Variants in ATP9B observed in about 807,000 individuals in gnomAD.
ATP9B encodes the protein probable phospholipid-transporting ATPase IIB.
A neutral mutation model predicts 146.1 loss-of-function variants in ATP9B; 110 were observed. That is an observed-to-expected ratio of 0.75 (90% CI 0.65 to 0.88). ATP9B has a LOEUF of 0.88. ATP9B is among the 40% of genes least tolerant of loss of function. ATP9B has a pLI of 0.00. For synonymous variants in ATP9B, 604 were observed against 569.7 expected (o/e 1.06, Z -0.86); for missense variants, 1,499 against 1,496.4 (o/e 1.00, Z -0.03).
Position 79,372,829 on chromosome 18 carries a change from G to A in ATP9B, c.3017G>A (p.Arg1006Lys). ...PELYKDLTKG[R>K]SLSFKTFLIW... ...GCTCTTCCACTGTTTCCCTAGGGAAGATCCTTGTCCTTCAAAACCTTCCTC... is the reference window on the plus strand; with the variant it reads ...GCTCTTCCACTGTTTCCCTAGGGAAAATCCTTGTCCTTCAAAACCTTCCTC... Residue 1006 changes from arginine (R) to lysine (K), a missense_variant, in exon 27 of 30, where the codon AGA becomes AAA. By Grantham distance (26) the Arg-to-Lys change is conservative. Coordinates refer to ENST00000426216, the MANE Select transcript of ATP9B (RefSeq NM_198531.5). The A allele has an allele frequency of 1.9e-6, 3 of 1,609,262 alleles. No homozygotes were observed. The highest frequency in any genetic ancestry group is 2.6e-6 in the Non-Finnish European group (3 of 1,175,606).
At chr18:79,217,480 C>T (rs940354257) in intron 11 of ATP9B, among the ~76,000 whole-genome samples, 4 of 152,172 alleles carry the variant, frequency 2.6e-5, no homozygotes, top group Admixed American at 6.5e-5. Context: ...CACTGCGCCC[C>T]GCCAGATTTG....
intron 11 of ATP9B, among the ~76,000 whole-genome samples, chr18:79,246,576 C>A (rs998969096): frequency 2.0e-5 from 3 of 152,216 alleles, no homozygotes; most frequent in Non-Finnish European, 4.4e-5. Flanking sequence ...TAGGGTAACG[C>A]TTTTTGTCAG....
intron 15 of ATP9B, among the ~76,000 whole-genome samples, chr18:79,328,122 C>G (rs2096770602): frequency 6.6e-6 from 1 of 150,542 alleles, no homozygotes; most frequent in South Asian, 2.1e-4. Flanking sequence ...TTAGCGTGCT[C>G]TCCGTGGATA....
chr18:79,322,849 G>A (rs552485308), intron 15 of ATP9B, among the ~76,000 whole-genome samples: 16 of 152,344 alleles, frequency 1.1e-4, no homozygotes, highest in Admixed American at 7.8e-4. Context: ...TCAACATGCA[G>A]CAAAGTTAAA....
chr18:79,361,097 C>T (rs978062724), intron 26 of ATP9B: 1 of 152,222 alleles, frequency 6.6e-6, no homozygotes, highest in Non-Finnish European at 1.5e-5. Flanking sequence ...AACCGGCACG[C>T]AAGCAGGGCA....
At chr18:79,183,236 A>G (rs950709899) in intron 8 of ATP9B, among the ~76,000 whole-genome samples, 8 of 152,190 alleles carry the variant, frequency 5.3e-5, no homozygotes, top group Non-Finnish European at 8.8e-5. Context: ...CTGACCTGAT[A>G]TTGGTAAATT....
intron 4 of ATP9B, among the ~76,000 whole-genome samples, chr18:79,122,096 T>C (rs971553483): frequency 5.9e-5 from 9 of 152,192 alleles, no homozygotes; most frequent in Non-Finnish European, 1.0e-4. Flanking sequence ...AGTACACATT[T>C]CAGGTAGGGT....
intron 4 of ATP9B, among the ~76,000 whole-genome samples, chr18:79,123,443 T>G (rs1296760629): frequency 2.0e-5 from 3 of 151,886 alleles, no homozygotes; most frequent in African/African-American, 4.8e-5. Flanking sequence ...GTTGAAAGAC[T>G]TAATATTGTT....
At chr18:79,305,643 A>G (rs906771943) in intron 14 of ATP9B, among the ~76,000 whole-genome samples, 3 of 152,230 alleles carry the variant, frequency 2.0e-5, no homozygotes, top group Admixed American at 2.0e-4. Flanking sequence ...ATAGCTTCAA[A>G]TAAGTTATTA....
chr18:79,249,184 T>C (rs2095998844), intron 11 of ATP9B, among the ~76,000 whole-genome samples: 1 of 152,212 alleles, frequency 6.6e-6, no homozygotes, highest in Admixed American at 6.5e-5. Flanking sequence ...CATTAGCTAT[T>C]TAAAACTTGG....
At chr18:79,336,166 T>A in intron 17 of ATP9B, among the ~76,000 whole-genome samples, 1 of 39,558 alleles carries the variant, frequency 2.5e-5, no homozygotes, top group Admixed American at 2.7e-4. Flanking sequence ...GTGCACCCTC[T>A]GTGCCCTCCC....
At chr18:79,312,925 A>T (rs947217655) in intron 15 of ATP9B, among the ~76,000 whole-genome samples, 2 of 152,248 alleles carry the variant, frequency 1.3e-5, no homozygotes, top group Admixed American at 6.5e-5. Context: ...TTGAAGTATT[A>T]GATTTCAGAA....
In ATP9B at chr18:79,239,160, A is replaced by T. The variant is rs762641996; in HGVS notation, c.1108-14221A>T. ...CAGAGAACAGATGTGCCCAGATCCAAGGTGGGATGGTGTGAAAGAGCTGCA... is the reference window on the plus strand; with the variant it reads ...CAGAGAACAGATGTGCCCAGATCCATGGTGGGATGGTGTGAAAGAGCTGCA... On this transcript the variant is annotated intron_variant, in intron 11 of 29. Coordinates refer to ENST00000426216, the MANE Select transcript of ATP9B (RefSeq NM_198531.5). The surrounding 1 kb of genome is among the most constrained non-coding windows in gnomAD (Gnocchi z 5.1). Among the ~76,000 whole-genome samples the T allele has an allele frequency of 2.6e-5, 4 of 152,076 alleles. No homozygotes were observed. Among genetic ancestry groups the T allele is most frequent in the Non-Finnish European group, 5.9e-5 (4 of 67,996 alleles).
rs1051074665 is a variant in ATP9B at position 79,096,753 on chromosome 18, T to C, written c.293+104T>C. ...ATATTAATATAAAAACTCAAGGAGATATTCCTTAAATGATATCATGGAGAT... is the reference window on the plus strand; with the variant it reads ...ATATTAATATAAAAACTCAAGGAGACATTCCTTAAATGATATCATGGAGAT... On this transcript the variant is annotated intron_variant, in intron 2 of 29. Coordinates refer to ENST00000426216, the MANE Select transcript of ATP9B (RefSeq NM_198531.5). 9.9e-6 allele frequency: 9 copies of C among 910,868 alleles called. No individual in the cohort carries two copies. In the South Asian group the frequency reaches 1.7e-4, roughly 18 times the overall value. The allele number at this position is 910,868 out of a possible 1,614,324, so 56.4% of individuals were successfully genotyped here.
At chr18:79,220,887 C>T (rs907008628) in intron 11 of ATP9B, among the ~76,000 whole-genome samples, 1 of 152,178 alleles carries the variant, frequency 6.6e-6, no homozygotes, top group Admixed American at 6.5e-5. Context: ...TTGCTGGGCC[C>T]TGCTGCCTCT....
In ATP9B at chr18:79,327,531, T is replaced by C. The variant is rs1391023398; in HGVS notation, c.1774-1610T>C. Among the ~76,000 whole-genome samples the C allele has an allele frequency of 2.5e-3, 341 of 138,574 alleles. 1 individual carries two copies. Among genetic ancestry groups the C allele is most frequent in the African/African-American group, 9.4e-3 (327 of 34,702 alleles). 90.9% of individuals were successfully genotyped at this position (138,574 alleles called of 152,430 possible). On this transcript the variant is annotated intron_variant, in intron 15 of 29. Coordinates refer to ENST00000426216, the MANE Select transcript of ATP9B (RefSeq NM_198531.5). ...CTCTCCATGGTTAGCGTGCTCTCCG[T>C]GGTTAGCGTGCTCTCCGTGGTTAGC...
At chr18:79,166,029 C>T (rs1232554951) in intron 7 of ATP9B, among the ~76,000 whole-genome samples, 1 of 152,216 alleles carries the variant, frequency 6.6e-6, no homozygotes, top group Non-Finnish European at 1.5e-5. Flanking sequence ...AGTATCCCTC[C>T]TGGTAGAGCT....
chr18:79,356,356 C>T (rs375317704), intron 25 of ATP9B, among the ~76,000 whole-genome samples: 5 of 152,120 alleles, frequency 3.3e-5, no homozygotes, highest in East Asian at 1.9e-4. Context: ...CTAGCACTCA[C>T]GCTCCTGGGC....
chr18:79,133,595 A>C lies in ATP9B; in HGVS notation c.667+7220A>C, dbSNP rs114558604. On this transcript the variant is annotated intron_variant, in intron 5 of 29. Transcript: ENST00000426216. ...GCCATATAGATCCAGGAGTGGTTAT[A>C]AACATACATACACACACACTCAAGT... is the stretch of plus-strand genomic sequence containing the variant. 4.8e-3 allele frequency among the ~76,000 whole-genome samples: 734 copies of C among 152,244 alleles called. 4 individuals are homozygous for C. The highest frequency in any genetic ancestry group is 0.024 in the South Asian group (118 of 4,824).
Sources: gnomAD v4.1 joint callset for allele counts (sites outside exome capture counted in the v4.1 genomes callset) on GRCh38, gnomAD v4.1.1 for gene constraint, Gnocchi (gnomAD v3.1) non-coding constraint, MANE v1.5 for transcripts, NCBI Gene and HGNC (gene_info 2026-07-23, HGNC 2026-07-21) for gene names.